PHF3: variants seen among roughly 807,000 people sequenced by gnomAD.
The protein encoded by PHF3 is PHD finger protein 3.
Under a neutral mutation model 178.4 loss-of-function variants are expected in PHF3, and 41 were observed. That is an observed-to-expected ratio of 0.23 (90% CI 0.18 to 0.30). PHF3 has a LOEUF of 0.30. Ranked by LOEUF, PHF3 falls within the 10% of genes least tolerant of loss-of-function variation. PHF3 has a pLI of 1.00. For synonymous variants in PHF3, 842 were observed against 800.5 expected, an observed-to-expected ratio of 1.05 and a Z score of -0.88; for missense variants, 2,346 against 2,398.1, an observed-to-expected ratio of 0.98 and a Z score of 0.45.
intron 13 of PHF3, 44 bp from the exon 14 acceptor site, chr6:63,709,107 A>C (rs112216525): frequency 1.4e-5 from 14 of 999,160 alleles, no homozygotes; most frequent in African/African-American, 8.5e-5. Context: ...CATAATAAAG[A>C]TAATCTATAT....
At position 63,719,509 on chromosome 6, in the gene PHF3, A is replaced by T. The variant is rs997140800; in HGVS notation, c.*5801A>T. Among the ~76,000 whole-genome samples, 1 of 152,100 alleles carries T rather than the reference A, an allele frequency of 6.6e-6. No homozygotes were observed. The highest frequency in any genetic ancestry group is 1.5e-5 in the Non-Finnish European group (1 of 67,980). ...AATTATCACAGATATCAAACTCAGA[A>T]AATGTCAGGTAACAACAGCAGTAAC... On this transcript the variant is annotated 3_prime_UTR_variant, in exon 16 of 16. Transcript: ENST00000262043.
At chr6:63,646,040 C>G (rs762421514) in intron 1 of PHF3, among the ~76,000 whole-genome samples, 2 of 151,930 alleles carry the variant, frequency 1.3e-5, no homozygotes, top group African/African-American at 2.4e-5. Context: ...AATTTTAATA[C>G]TTTGTAAATA....
chr6:63,695,880 G>A lies in PHF3; in HGVS notation c.2680+1116G>A, dbSNP rs184103392. Among the ~76,000 whole-genome samples the A allele has an allele frequency of 1.5e-3, 233 of 152,276 alleles. 2 individuals are homozygous for A. Among genetic ancestry groups the A allele is most frequent in the Non-Finnish European group, 2.7e-3 (185 of 68,028 alleles). On this transcript the variant is annotated intron_variant, in intron 6 of 15. Transcript: ENST00000262043. ...TTGGGGAAGAAAATTGAAAAATTAT[G>A]TTTTGGCCATTATGAGATTCCTATT...
At chr6:63,707,267 TTA>T (rs1166022641) in intron 13 of PHF3, among the ~76,000 whole-genome samples, 1 of 152,204 alleles carries the variant, frequency 6.6e-6, no homozygotes, top group African/African-American at 2.4e-5. Flanking sequence ...TCCCCACTGC[TTA>T]TGTTTCCCCA....
chr6:63,669,957 A>C (rs1411695011), intron 2 of PHF3, among the ~76,000 whole-genome samples: 2 of 152,152 alleles, frequency 1.3e-5, no homozygotes, highest in African/African-American at 4.8e-5. Flanking sequence ...TGTGTTCCAA[A>C]TTTATTACAG....
chr6:63,660,146 GC>G (rs148035559), intron 2 of PHF3, among the ~76,000 whole-genome samples: 1,772 of 152,018 alleles, frequency 0.012, 29 homozygotes, highest in African/African-American at 0.041. Context: ...ATGTGTGAGT[GC>G]CCAAAATGGC....
In PHF3 at chr6:63,684,944, A is replaced by G. The variant is rs1361596165; in HGVS notation, c.1222A>G (p.Asn408Asp). Residue 408 changes from asparagine to aspartate, a missense_variant, in exon 4 of 16, where the codon AAT (asparagine) becomes GAT (aspartate). Asn to Asp is a conservative substitution (Grantham distance 23, BLOSUM62 1). This residue lies in a region of PHF3 where 843 missense variants were observed against 795.2 expected (regional missense o/e 1.06). Transcript: ENST00000262043. ...GGGTTATTGTGAAGATGCGGAGTCT[A>G]ATAGGCAGTTGGAGAGCACTGAGTT... ...PLGYCEDAES[N>D]RQLESTEFNK... 22 of 1,613,946 alleles carry G rather than the reference A, an allele frequency of 1.4e-5. No homozygotes were observed. Among genetic ancestry groups the G allele is most frequent in the Non-Finnish European group, 1.9e-5 (22 of 1,179,940 alleles).
At chr6:63,636,900 A>T (rs992758255) in intron 1 of PHF3, 8 of 152,176 alleles carry the variant, frequency 5.3e-5, no homozygotes, top group African/African-American at 1.9e-4. Context: ...AAGGAAGAGA[A>T]TGTTGATATC....
chr6:63,707,548 G>A (rs1342081577), intron 13 of PHF3, among the ~76,000 whole-genome samples: 1 of 152,168 alleles, frequency 6.6e-6, no homozygotes, highest in Non-Finnish European at 1.5e-5. Context: ...ATTTTTATAT[G>A]TGTATAGAAG....
In PHF3 at chr6:63,720,639, C is replaced by G. The variant is rs772888249; in HGVS notation, c.*6931C>G. The G allele has an allele frequency of 4.6e-5, 70 of 1,521,294 alleles. No homozygotes were observed. The highest frequency in any genetic ancestry group is 3.4e-4 in the Middle Eastern group (2 of 5,818). 94.2% of individuals were successfully genotyped at this position (1,521,294 alleles called of 1,614,324 possible). ...TTCATCTCCATCATAAACATTGTAT[C>G]CTTCTAATTTAATTAGTTCAATGTT... On this transcript the variant is annotated 3_prime_UTR_variant, in exon 16 of 16. Coordinates refer to ENST00000262043, the MANE Select transcript of PHF3 (RefSeq NM_001370348.2).
At position 63,713,250 on chromosome 6, in the gene PHF3, A is replaced by G. The variant is rs1309305531; in HGVS notation, c.5662A>G (p.Lys1888Glu). ...AGGCCCGCAGAATTTTTACCAGGTTAAAGACATTCGGAGGCCAGAAAGGCG... is the reference window on the plus strand; with the variant it reads ...AGGCCCGCAGAATTTTTACCAGGTTGAAGACATTCGGAGGCCAGAAAGGCG... ...YIGPQNFYQV[K>E]DIRRPERRHS... The change falls in exon 16 of 16, where the codon AAA becomes GAA. Residue 1888 changes from lysine to glutamate, a missense_variant. By Grantham distance (56) the Lys-to-Glu change is moderately conservative. Coordinates refer to ENST00000262043, the MANE Select transcript of PHF3 (RefSeq NM_001370348.2). The G allele has an allele frequency of 6.2e-7, 1 of 1,614,074 alleles. No homozygotes were observed. Among genetic ancestry groups the G allele is most frequent in the East Asian group, 2.2e-5 (1 of 44,868 alleles).
intron 14 of PHF3, among the ~76,000 whole-genome samples, chr6:63,710,840 G>A (rs1767894362): frequency 6.6e-6 from 1 of 152,096 alleles, no homozygotes; most frequent in East Asian, 1.9e-4. Flanking sequence ...GTAGATATTA[G>A]AAGACTTGGG....
chr6:63,691,143 A>G (rs747221738), intron 4 of PHF3, among the ~76,000 whole-genome samples: 1 of 152,198 alleles, frequency 6.6e-6, no homozygotes, highest in Non-Finnish European at 1.5e-5. Flanking sequence ...GCGTGACACC[A>G]TGAACCAGAA....
intron 14 of PHF3, among the ~76,000 whole-genome samples, chr6:63,710,238 C>T (rs1767868039): frequency 6.6e-6 from 1 of 152,142 alleles, no homozygotes; most frequent in African/African-American, 2.4e-5. Context: ...TACTCTTGGG[C>T]ATTTTGAGAA....
intron 2 of PHF3, among the ~76,000 whole-genome samples, chr6:63,673,771 G>C (rs1766030279): frequency 6.6e-6 from 1 of 152,140 alleles, no homozygotes; most frequent in Non-Finnish European, 1.5e-5. Context: ...TAACCTACCA[G>C]GTAAGAAAAA....
At chr6:63,646,102 T>C (rs1283987660) in intron 1 of PHF3, among the ~76,000 whole-genome samples, 1 of 152,208 alleles carries the variant, frequency 6.6e-6, no homozygotes, top group Admixed American at 6.5e-5. Flanking sequence ...ATTTAAAATA[T>C]TTGATTTTAG....
chr6:63,659,940 C>T (rs1765395265), intron 2 of PHF3, among the ~76,000 whole-genome samples: 1 of 151,874 alleles, frequency 6.6e-6, no homozygotes, highest in African/African-American at 2.4e-5. Flanking sequence ...ATTTTTTTTG[C>T]CTTCAAGTAC....
chr6:63,696,971 G>A (rs562899155), intron 6 of PHF3, among the ~76,000 whole-genome samples: 2 of 152,096 alleles, frequency 1.3e-5, no homozygotes, highest in Non-Finnish European at 2.9e-5. Context: ...AACAAATGCC[G>A]TAGTAGTTAG....
intron 4 of PHF3, chr6:63,686,162 T>C: frequency 2.1e-6 from 1 of 468,734 alleles, no homozygotes; most frequent in East Asian, 3.5e-5. Context: ...TATTTTGTCA[T>C]TGTCACAGGT....
Sources: gnomAD v4.1 joint callset for allele counts (sites outside exome capture counted in the v4.1 genomes callset) on GRCh38, gnomAD v4.1.1 for gene constraint, gnomAD v4.1.1 regional missense constraint, MANE v1.5 for transcripts, NCBI Gene and HGNC (gene_info 2026-07-23, HGNC 2026-07-21) for gene names.